Variants in ARHGAP26 observed in about 807,000 individuals in gnomAD.
The protein encoded by ARHGAP26 is Rho GTPase activating protein 26.
Under a neutral mutation model 104.8 loss-of-function variants are expected in ARHGAP26, and 38 were observed. The ratio of observed to expected loss-of-function variants is 0.36; its 90% CI spans 0.28 to 0.48. The LOEUF (loss-of-function observed/expected upper bound fraction) is 0.48. Ranked by LOEUF, ARHGAP26 falls within the 20% of genes least tolerant of loss-of-function variation. The pLI, the probability that ARHGAP26 is intolerant of heterozygous loss-of-function variation, is 0.99. For missense variants in ARHGAP26, 704 were observed against 947.9 expected (o/e 0.74, Z 3.38); for synonymous variants, 341 against 340.0 (o/e 1.00, Z -0.03).
chr5:143,190,628 T>C (rs258761), intron 20 of ARHGAP26, among the ~76,000 whole-genome samples: 102,480 of 152,096 alleles, frequency 0.67, 36,605 homozygotes, highest in East Asian at 0.93. Flanking sequence ...AGATTTAACA[T>C]CAAAAGCACA....
intron 19 of ARHGAP26, among the ~76,000 whole-genome samples, chr5:143,146,927 A>T (rs1799229793): frequency 1.3e-5 from 2 of 152,198 alleles, no homozygotes; most frequent in African/African-American, 4.8e-5. Context: ...GCCAGTCAAA[A>T]GAAGATGCAA....
chr5:143,213,383 CAT>C (rs753028102), intron 21 of ARHGAP26, among the ~76,000 whole-genome samples: 9 of 151,716 alleles, frequency 5.9e-5, no homozygotes, highest in Admixed American at 6.5e-5. Context: ...CATGCACACA[CAT>C]GTGTAATTGC....
Position 143,061,857 on chromosome 5 carries a change from G to A in ARHGAP26, c.1538+4110G>A, listed in dbSNP as rs3776334. ...TAGTGCTTGTCCAGAAGCAGAAAAG[G>A]CATTATTTCTTCTCTGAGTCCCTTT... On this transcript the variant is annotated intron_variant, in intron 17 of 22. Coordinates refer to ENST00000645722, the MANE Select transcript of ARHGAP26 (RefSeq NM_001135608.3). Among the ~76,000 whole-genome samples, 6,285 of 152,230 alleles carry A rather than the reference G, an allele frequency of 0.041. 828 individuals are homozygous for A. In the East Asian group the frequency reaches 0.52, roughly 13 times the overall value.
intron 4 of ARHGAP26, among the ~76,000 whole-genome samples, chr5:142,880,717 C>T (rs1756868028): frequency 6.8e-6 from 1 of 147,952 alleles, no homozygotes; most frequent in Non-Finnish European, 1.5e-5. Flanking sequence ...GGCAACACCA[C>T]CCTCTTACTT....
intron 12 of ARHGAP26, among the ~76,000 whole-genome samples, chr5:143,023,909 C>T (rs1196488649): frequency 6.6e-6 from 1 of 152,226 alleles, no homozygotes; most frequent in Non-Finnish European, 1.5e-5. Context: ...CCTTTCTCCT[C>T]TCTCCTGTGC....
chr5:142,814,778 C>T (rs1764770896), intron 1 of ARHGAP26, among the ~76,000 whole-genome samples: 1 of 152,160 alleles, frequency 6.6e-6, no homozygotes, highest in African/African-American at 2.4e-5. Context: ...CTTCAGTTTC[C>T]CTATCTGTAA....
At chr5:142,801,039 C>G (rs1163318981) in intron 1 of ARHGAP26, among the ~76,000 whole-genome samples, 1 of 152,212 alleles carries the variant, frequency 6.6e-6, no homozygotes, top group East Asian at 1.9e-4. Context: ...CAGTCATCAG[C>G]TTACTGCAGG....
At chr5:143,170,357 CCACCT>C (rs1349274196) in intron 20 of ARHGAP26, 35 of 152,206 alleles carry the variant, frequency 2.3e-4, no homozygotes, top group African/African-American at 8.0e-4. Context: ...CAGCCAGCAT[CCACCT>C]CACGAGCTTT....
chr5:143,084,605 G>T (rs1402360563), intron 17 of ARHGAP26, among the ~76,000 whole-genome samples: 10 of 152,194 alleles, frequency 6.6e-5, no homozygotes, highest in Admixed American at 6.5e-4. Flanking sequence ...GGCATACAAA[G>T]ACATCTTGTG....
At chr5:142,926,230 A>G (rs555064630) in intron 10 of ARHGAP26, among the ~76,000 whole-genome samples, 4 of 152,080 alleles carry the variant, frequency 2.6e-5, no homozygotes, top group Non-Finnish European at 1.5e-5. Context: ...TTGGGTAGCA[A>G]CTTGCCCTGT....
chr5:143,030,102 C>G (rs1189542351), intron 12 of ARHGAP26, among the ~76,000 whole-genome samples: 2 of 152,192 alleles, frequency 1.3e-5, no homozygotes, highest in Non-Finnish European at 2.9e-5. Context: ...GATTTGGCCA[C>G]TTCTTGCCAA....
At chr5:142,821,890 A>T (rs1029542767) in intron 1 of ARHGAP26, among the ~76,000 whole-genome samples, 4 of 152,182 alleles carry the variant, frequency 2.6e-5, no homozygotes, top group Admixed American at 2.0e-4. Context: ...AAATTGAGTC[A>T]GATCTAGATA....
intron 11 of ARHGAP26, among the ~76,000 whole-genome samples, chr5:142,968,104 T>TACC (rs1276496101): frequency 6.6e-6 from 1 of 152,140 alleles, no homozygotes; most frequent in Non-Finnish European, 1.5e-5. Flanking sequence ...CCACCACCAT[T>TACC]ACCACCACCA....
At chr5:142,911,567 C>A (rs1261358662) in intron 9 of ARHGAP26, among the ~76,000 whole-genome samples, 3 of 152,186 alleles carry the variant, frequency 2.0e-5, no homozygotes, top group Non-Finnish European at 4.4e-5. Flanking sequence ...TATCCACGTC[C>A]CCCACTTTTT....
chr5:142,812,544 G>A (rs1478692066), intron 1 of ARHGAP26, among the ~76,000 whole-genome samples: 1 of 151,962 alleles, frequency 6.6e-6, no homozygotes, highest in Non-Finnish European at 1.5e-5. Flanking sequence ...TGCCATGTTG[G>A]CCAGGCTGGT....
intron 20 of ARHGAP26, among the ~76,000 whole-genome samples, chr5:143,195,403 T>C (rs989479762): frequency 1.3e-5 from 2 of 152,216 alleles, no homozygotes; most frequent in Admixed American, 1.3e-4. Flanking sequence ...TAGATTCTTA[T>C]TAAATCTTTT....
rs533645198 is a variant in ARHGAP26, at chr5:142,958,918, A to C, written c.1107+26793A>C. ...ACGCTGTCTCTTAAAAAAAAAAAAA[A>C]AGAAAAAAAAAAAGAAAGGAAAATA... On this transcript the variant is annotated intron_variant, in intron 11 of 22. Coordinates refer to ENST00000645722, the MANE Select transcript of ARHGAP26 (RefSeq NM_001135608.3). 6.7e-5 allele frequency among the ~76,000 whole-genome samples: 7 copies of C among 104,670 alleles called. 1 individual carries two copies. The South Asian group carries it at 2.8e-3, about 42-fold the overall frequency. The allele number at this position is 104,670 out of a possible 152,430, so 68.7% of individuals were successfully genotyped here.
intron 11 of ARHGAP26, among the ~76,000 whole-genome samples, chr5:142,967,488 T>G (rs564116232): frequency 6.6e-6 from 1 of 152,176 alleles, no homozygotes; most frequent in Admixed American, 6.5e-5. Flanking sequence ...AAATCCAAAT[T>G]AGAATTTAAG....
At chr5:143,100,299 A>G (rs992943138) in intron 17 of ARHGAP26, among the ~76,000 whole-genome samples, 1 of 152,254 alleles carries the variant, frequency 6.6e-6, no homozygotes, top group African/African-American at 2.4e-5. Flanking sequence ...TACTTCTTGT[A>G]TACACAAAGG....
Sources: allele counts gnomAD v4.1 joint callset (sites outside exome capture counted in the v4.1 genomes callset), GRCh38; gene constraint gnomAD v4.1.1; transcripts MANE v1.5; gene names NCBI Gene and HGNC (gene_info 2026-07-23, HGNC 2026-07-21).